The following CTBP2 variants were observed in gnomAD, a reference collection of about 807,000 sequenced individuals.
CTBP2 encodes C-terminal-binding protein 2.
Under a neutral mutation model 80.3 loss-of-function variants are expected in CTBP2, and 30 were observed. The observed-to-expected ratio is 0.37, with a 90% CI of 0.28 to 0.51. The LOEUF (loss-of-function observed/expected upper bound fraction) is 0.51. Among genes scored for constraint, CTBP2 ranks in the 20% least tolerant of loss-of-function variants. CTBP2 has a pLI of 0.93. For synonymous variants in CTBP2, 594 were observed against 587.4 expected (o/e 1.01, Z -0.16); for missense variants, 1,212 against 1,375.3 (o/e 0.88, Z 1.88).
intron 2 of CTBP2, among the ~76,000 whole-genome samples, chr10:125,042,771 G>A (rs535225756): frequency 1.7e-4 from 26 of 152,280 alleles, no homozygotes; most frequent in South Asian, 6.2e-4. Context: ...ACTCATCCCC[G>A]CAGCGAATAA....
intron 2 of CTBP2, among the ~76,000 whole-genome samples, chr10:125,095,083 A>G (rs1188696289): frequency 6.6e-6 from 1 of 152,112 alleles, no homozygotes; most frequent in Non-Finnish European, 1.5e-5. Flanking sequence ...TGGAGCTGAG[A>G]ACAGGAGGTC....
intron 2 of CTBP2, among the ~76,000 whole-genome samples, chr10:125,057,593 G>C (rs1024535687): frequency 2.3e-4 from 35 of 152,166 alleles, no homozygotes; most frequent in African/African-American, 8.0e-4. Context: ...TCTCCAGCTT[G>C]ACTTTTTCCT....
At chr10:125,068,953 C>T (rs929899661) in intron 2 of CTBP2, among the ~76,000 whole-genome samples, 33 of 152,312 alleles carry the variant, frequency 2.2e-4, no homozygotes, top group African/African-American at 7.7e-4. Flanking sequence ...CGACCTTAGA[C>T]AACTTATTTT....
chr10:125,067,357 A>G (rs558257936), intron 2 of CTBP2, among the ~76,000 whole-genome samples: 1 of 152,288 alleles, frequency 6.6e-6, no homozygotes, highest in African/African-American at 2.4e-5. Flanking sequence ...TGGAAAAAGG[A>G]TATCAGATCA....
intron 2 of CTBP2, among the ~76,000 whole-genome samples, chr10:125,061,502 T>G (rs1964968378): frequency 6.6e-6 from 1 of 152,100 alleles, no homozygotes; most frequent in Admixed American, 6.5e-5. Flanking sequence ...TCACCTCTCC[T>G]CCTCCTTGCT....
intron 2 of CTBP2, 38 bp from the exon 5 acceptor site, chr10:125,003,142 C>A: frequency 6.2e-7 from 1 of 1,611,730 alleles, no homozygotes; most frequent in South Asian, 1.1e-5. Flanking sequence ...AGCCCCACCC[C>A]GTGCAGCCCA....
At chr10:125,117,213 C>G (rs77984616) in intron 1 of CTBP2, among the ~76,000 whole-genome samples, 1 of 152,212 alleles carries the variant, frequency 6.6e-6, no homozygotes, top group Non-Finnish European at 1.5e-5. Flanking sequence ...CGCATTGTAA[C>G]GGGGGCAGTG....
chr10:124,998,052 G>A lies in CTBP2; in HGVS notation c.2097C>T (p.Gly699=). 4 of 1,613,312 alleles carry A rather than the reference G, an allele frequency of 2.5e-6. No homozygotes were observed. The highest frequency in any genetic ancestry group is 3.4e-6 in the Non-Finnish European group (4 of 1,179,968). The change falls in exon 4 of 9, where the codon GGC becomes GGT. Residue 699 remains glycine (G), a synonymous_variant. Transcript: ENST00000309035. ...TCTGCTCCACGCTCTGAACCCGCGT[G>A]CCTTCCCGCAGTGCCTGGTACAGCC...
At chr10:125,146,307 G>A (rs555047683) in intron 1 of CTBP2, among the ~76,000 whole-genome samples, 4 of 142,732 alleles carry the variant, frequency 2.8e-5, no homozygotes, top group South Asian at 4.5e-4. Context: ...TGGAGACAGC[G>A]TCTTGCTCTG....
intron 1 of CTBP2, among the ~76,000 whole-genome samples, chr10:125,144,451 T>C (rs1019474685): frequency 6.6e-6 from 1 of 152,214 alleles, no homozygotes; most frequent in African/African-American, 2.4e-5. Flanking sequence ...AGCCAATGTA[T>C]AACAAAGTAC....
chr10:125,090,121 G>A (rs983259508), intron 2 of CTBP2, among the ~76,000 whole-genome samples: 5 of 151,960 alleles, frequency 3.3e-5, no homozygotes, highest in African/African-American at 1.2e-4. Flanking sequence ...AAGCAAAAAG[G>A]AATTTTCCTC....
intron 1 of CTBP2, chr10:125,006,094 C>A: frequency 9.6e-7 from 1 of 1,044,926 alleles, no homozygotes. Flanking sequence ...GATCGGCTCC[C>A]TCCCCGACAC....
At chr10:125,145,674 C>T (rs1565036566) in intron 1 of CTBP2, among the ~76,000 whole-genome samples, 1 of 152,126 alleles carries the variant, frequency 6.6e-6, no homozygotes, top group Non-Finnish European at 1.5e-5. Context: ...TGCCATGAAT[C>T]CTACTACTAT....
At chr10:125,042,200 C>T (rs1960032805) in intron 2 of CTBP2, among the ~76,000 whole-genome samples, 1 of 152,244 alleles carries the variant, frequency 6.6e-6, no homozygotes, top group Non-Finnish European at 1.5e-5. Context: ...CATTTTCCTC[C>T]TTAGCCCTCC....
intron 2 of CTBP2, among the ~76,000 whole-genome samples, chr10:125,099,076 G>C (rs1053407518): frequency 5.3e-5 from 8 of 152,300 alleles, no homozygotes; most frequent in Admixed American, 3.9e-4. Context: ...CATCATACTA[G>C]CACACGGTCA....
At chr10:125,005,893 C>T in intron 1 of CTBP2, 1 of 1,524,044 alleles carries the variant, frequency 6.6e-7, no homozygotes, top group South Asian at 1.3e-5. Context: ...GGAGAGAGTG[C>T]CTGATTATAA....
chr10:125,055,861 G>A (rs565138337), intron 2 of CTBP2, among the ~76,000 whole-genome samples: 1 of 152,186 alleles, frequency 6.6e-6, no homozygotes, highest in Admixed American at 6.5e-5. Flanking sequence ...TTAGCTGCAT[G>A]CATGACTTTA....
At chr10:125,033,207 G>A (rs1958445320) in intron 3 of CTBP2, among the ~76,000 whole-genome samples, 1 of 152,196 alleles carries the variant, frequency 6.6e-6, no homozygotes, top group African/African-American at 2.4e-5. Context: ...GGGAGTGTGG[G>A]ATCCCACTGT....
intron 4 of CTBP2, 112 bp downstream of exon 6, chr10:124,997,852 T>C (rs572233173): frequency 1.7e-6 from 2 of 1,173,234 alleles, no homozygotes; most frequent in East Asian, 4.8e-5. Context: ...GTGCTGGCCC[T>C]GCCTGCCCTG....
Sources: allele counts gnomAD v4.1 joint callset (sites outside exome capture counted in the v4.1 genomes callset), GRCh38; gene constraint gnomAD v4.1.1; transcripts MANE v1.5; gene names NCBI Gene and HGNC (gene_info 2026-07-23, HGNC 2026-07-21).